CACNA1A: variants seen among roughly 807,000 people sequenced by gnomAD.
The protein encoded by CACNA1A is calcium voltage-gated channel subunit alpha1 A, also known as voltage-dependent P/Q-type calcium channel subunit alpha-1A.
In CACNA1A, 57 loss-of-function variants were observed where a neutral mutation model predicts 262.4. The observed-to-expected ratio is 0.22, with a 90% CI of 0.18 to 0.27. The LOEUF (loss-of-function observed/expected upper bound fraction) is 0.27. Among genes scored for constraint, CACNA1A ranks in the 10% least tolerant of loss-of-function variants. CACNA1A has a pLI of 1.00. For missense variants in CACNA1A, 2,526 were observed against 3,562.8 expected (o/e 0.71, Z 7.41); for synonymous variants, 1,431 against 1,419.3 (o/e 1.01, Z -0.18).
At chr19:13,210,300 A>T (rs2054756264) in intron 44 of CACNA1A, among the ~76,000 whole-genome samples, 1 of 152,132 alleles carries the variant, frequency 6.6e-6, no homozygotes, top group South Asian at 2.1e-4. Context: ...TGGTGGTGTC[A>T]GGAGAAGAAG....
At position 13,299,071 on chromosome 19, in the gene CACNA1A, G is replaced by C. The variant is rs745558276; in HGVS notation, c.2562C>G (p.Ala854=). 3.7e-6 allele frequency: 6 copies of C among 1,608,572 alleles called. No homozygotes were observed. Among genetic ancestry groups the C allele is most frequent in the Non-Finnish European group, 5.1e-6 (6 of 1,179,166 alleles). The change falls in exon 19 of 47, where the codon GCC becomes GCG. Residue 854 remains alanine (A), a synonymous_variant. Coordinates refer to ENST00000360228, the MANE Select transcript of CACNA1A (RefSeq NM_001127222.2). Reference sequence around the variant, plus strand: ...GGGCCTGTTTCCTGAGGAAGTCCTCGGCGCGCTGCTGGCCGAGGCGCTGGT... The same window carrying C: ...GGGCCTGTTTCCTGAGGAAGTCCTCCGCGCGCTGCTGGCCGAGGCGCTGGT... ...TVDQRLGQQR[A]EDFLRKQARY...
chr19:13,222,010 G>A (rs368816309), intron 38 of CACNA1A, among the ~76,000 whole-genome samples: 2 of 151,876 alleles, frequency 1.3e-5, no homozygotes, highest in African/African-American at 2.4e-5. Flanking sequence ...GGGTTCAAGT[G>A]ATTCTTCTGC....
At chr19:13,451,720 C>T (rs2060919759) in intron 3 of CACNA1A, 1 of 152,268 alleles carries the variant, frequency 6.6e-6, no homozygotes, top group South Asian at 2.1e-4. Context: ...GCTCACTTCT[C>T]CTTCCTGGTT....
At chr19:13,274,641 T>A (rs1258379284) in intron 24 of CACNA1A, 1 of 152,280 alleles carries the variant, frequency 6.6e-6, no homozygotes, top group African/African-American at 2.4e-5. Context: ...AAGTCTGCTA[T>A]CAGGGCCCTA....
intron 38 of CACNA1A, among the ~76,000 whole-genome samples, chr19:13,224,255 C>T (rs1000174402): frequency 2.7e-5 from 4 of 150,856 alleles, no homozygotes; most frequent in Admixed American, 1.3e-4. Context: ...ACCCGGGAGG[C>T]GGAGGTAGCA....
intron 6 of CACNA1A, among the ~76,000 whole-genome samples, chr19:13,337,890 C>T (rs2058603225): frequency 2.6e-5 from 4 of 152,154 alleles, no homozygotes; most frequent in African/African-American, 4.8e-5. Flanking sequence ...CTATGGAATA[C>T]TGTAGGCAAT....
chr19:13,403,944 A>G (rs1280242278), intron 3 of CACNA1A, among the ~76,000 whole-genome samples: 1 of 152,018 alleles, frequency 6.6e-6, no homozygotes, highest in Non-Finnish European at 1.5e-5. Context: ...GTGACAGAGC[A>G]AGAATGCATC....
intron 17 of CACNA1A, among the ~76,000 whole-genome samples, chr19:13,302,846 T>A (rs2057814959): frequency 6.6e-6 from 1 of 152,158 alleles, no homozygotes; most frequent in Non-Finnish European, 1.5e-5. Context: ...GTTGGCAACG[T>A]CTGCTTGGTT....
Position 13,353,701 on chromosome 19 carries a change from G to A in CACNA1A, c.978+5905C>T, listed in dbSNP as rs191813347. Among the ~76,000 whole-genome samples the A allele has an allele frequency of 1.3e-3, 202 of 152,296 alleles. 2 individuals carry two copies. Among genetic ancestry groups the A allele is most frequent in the Non-Finnish European group, 3.4e-4 (23 of 68,038 alleles). ...AAGGCATTTAAACCAGGAAGCCAAG[G>A]GAGAAAAACAAGAAACGAATACAAA... On this transcript the variant is annotated intron_variant, in intron 6 of 46. Coordinates refer to ENST00000360228, the MANE Select transcript of CACNA1A (RefSeq NM_001127222.2).
intron 3 of CACNA1A, among the ~76,000 whole-genome samples, chr19:13,436,891 C>A (rs1330939555): frequency 6.6e-6 from 1 of 152,234 alleles, no homozygotes; most frequent in Admixed American, 6.5e-5. Context: ...CCTTTGGCAC[C>A]TTGGCCCCTC....
At chr19:13,253,687 G>A (rs117331442) in intron 29 of CACNA1A, among the ~76,000 whole-genome samples, 8,041 of 151,416 alleles carry the variant, frequency 0.053, 208 homozygotes, top group East Asian at 0.072. Context: ...CCTTGTGATC[G>A]CCCTCCTCGG....
At position 13,286,931 on chromosome 19, in the gene CACNA1A, G is replaced by C. The variant is rs758178315; in HGVS notation, c.3125C>G (p.Pro1042Arg). Residue 1042 changes from proline (P) to arginine (R), a missense_variant, in exon 20 of 47, where the codon CCC becomes CGC. Pro to Arg is a moderately radical substitution (Grantham distance 103). Coordinates refer to ENST00000360228, the MANE Select transcript of CACNA1A (RefSeq NM_001127222.2). ...GATTGGCCGGGTGGTTGACAGGTTG[G>C]GGCCCGACACAGGGACCCCGGAGCC... ...NQGSGVPVSG[P>R]NLSTTRPIQQ... The C allele has an allele frequency of 1.2e-6, 2 of 1,609,746 alleles. No individual in the cohort carries two copies. Among genetic ancestry groups the C allele is most frequent in the South Asian group, 1.1e-5 (1 of 90,958 alleles).
At chr19:13,300,963 T>C (rs2057775715) in intron 17 of CACNA1A, among the ~76,000 whole-genome samples, 1 of 152,136 alleles carries the variant, frequency 6.6e-6, no homozygotes, top group African/African-American at 2.4e-5. Flanking sequence ...TTGTTTGTTT[T>C]CAGAGACAGA....
At chr19:13,330,212 A>G in intron 10 of CACNA1A, 32 bp downstream of exon 10, 1 of 1,472,094 alleles carries the variant, frequency 6.8e-7, no homozygotes, top group Non-Finnish European at 9.3e-7. Flanking sequence ...TAGGTGATGA[A>G]CAACTGATAG....
chr19:13,309,946 G>T (rs2057985453), intron 12 of CACNA1A, among the ~76,000 whole-genome samples: 1 of 151,970 alleles, frequency 6.6e-6, no homozygotes, highest in African/African-American at 2.4e-5. Flanking sequence ...ACCCCCAAAG[G>T]AGGCCCTGTC....
Position 13,395,620 on chromosome 19 carries a change from G to GAA in CACNA1A, c.540-23843_540-23842dup, listed in dbSNP as rs149394654. On this transcript the variant is annotated intron_variant, in intron 3 of 46. Coordinates refer to ENST00000360228, the MANE Select transcript of CACNA1A (RefSeq NM_001127222.2). ...GAATCAGACTCTGTCTCAAAAAAAA[G>GAA]AAAAAAAAAAAAAAGAAATTATCTA... Among the ~76,000 whole-genome samples, 297 of 121,820 alleles carry GAA rather than the reference G, an allele frequency of 2.4e-3. 3 individuals are homozygous for GAA. Among genetic ancestry groups the GAA allele is most frequent in the African/African-American group, 7.1e-3 (262 of 36,978 alleles). 79.9% of individuals were successfully genotyped at this position (121,820 alleles called of 152,430 possible). A position where few individuals can be genotyped will look rare whatever the true frequency, so the allele number is the denominator to read the frequency against.
chr19:13,291,625 C>G (rs2057540636), intron 19 of CACNA1A, among the ~76,000 whole-genome samples: 1 of 140,748 alleles, frequency 7.1e-6, no homozygotes, highest in Admixed American at 7.5e-5. Context: ...ATAGTGAGAC[C>G]CCATCTCTAA....
intron 27 of CACNA1A, chr19:13,258,317 G>A (rs1040628717): frequency 2.0e-5 from 3 of 152,308 alleles, no homozygotes; most frequent in Admixed American, 6.5e-5. Flanking sequence ...AGGTGGTGCT[G>A]GGTGCTCAGG....
Position 13,374,725 on chromosome 19 carries a change from G to C in CACNA1A, c.540-2946C>G, listed in dbSNP as rs146996970. Among the ~76,000 whole-genome samples the C allele has an allele frequency of 1.1e-4, 16 of 152,346 alleles. 1 individual carries two copies. Among genetic ancestry groups the C allele is most frequent in the African/African-American group, 2.4e-4 (10 of 41,586 alleles). On this transcript the variant is annotated intron_variant, in intron 3 of 46. Coordinates refer to ENST00000360228, the MANE Select transcript of CACNA1A (RefSeq NM_001127222.2). ...CATGAACAGCAAAGAACAGGCAGTG[G>C]TTAAGTCCTTAGTATTTCACTTCAC...
Sources: allele counts gnomAD v4.1 joint callset (sites outside exome capture counted in the v4.1 genomes callset), GRCh38; gene constraint gnomAD v4.1.1; transcripts MANE v1.5; gene names NCBI Gene and HGNC (gene_info 2026-07-23, HGNC 2026-07-21).